Variants in LRRC28 observed in about 807,000 individuals in gnomAD.
LRRC28 encodes the protein leucine rich repeat containing 28, also known as leucine-rich repeat-containing protein 28.
A neutral mutation model predicts 45.7 loss-of-function variants in LRRC28; 39 were observed. The ratio of observed to expected loss-of-function variants is 0.85; its 90% CI spans 0.66 to 1.12. The LOEUF is 1.12. Among genes scored for constraint, LRRC28 ranks in the 50% most tolerant of loss-of-function variants. The probability of loss-of-function intolerance (pLI) is 0.00; values close to 1 mark genes in which losing one functional copy is unlikely to be tolerated. For missense variants in LRRC28, 435 were observed against 438.5 expected (o/e 0.99, Z 0.07); for synonymous variants, 206 against 178.8 (o/e 1.15, Z -1.22).
At chr15:99,291,717 G>A (rs7181739) in intron 5 of LRRC28, among the ~76,000 whole-genome samples, 54,169 of 151,978 alleles carry the variant, frequency 0.36, 10,727 homozygotes, top group African/African-American at 0.54. Flanking sequence ...ATATAGTTTT[G>A]TAATTTTATA....
At chr15:99,369,797 T>C (rs930227809) in intron 9 of LRRC28, among the ~76,000 whole-genome samples, 2 of 152,204 alleles carry the variant, frequency 1.3e-5, no homozygotes, top group Admixed American at 1.3e-4. Flanking sequence ...ATCACCAGGG[T>C]ATTTTGAGAC....
At position 99,259,922 on chromosome 15, in the gene LRRC28, G is replaced by T; in HGVS notation, c.168+3797G>T. 7.2e-6 allele frequency: 5 copies of T among 699,256 alleles called. No individual in the cohort carries two copies. The East Asian group carries it at 1.3e-4, about 18-fold the overall frequency. 43.3% of individuals were successfully genotyped at this position (699,256 alleles called of 1,614,324 possible). ...CGAAGAACCTGAGGAGACAGCAGAA[G>T]ACAAAGAGCAAGACAAAGACAAAGA... On this transcript the variant is annotated intron_variant, in intron 2 of 9. Coordinates refer to ENST00000301981, the MANE Select transcript of LRRC28 (RefSeq NM_144598.5).
chr15:99,307,539 C>T (rs999813943), intron 5 of LRRC28, among the ~76,000 whole-genome samples: 2 of 152,168 alleles, frequency 1.3e-5, no homozygotes, highest in Non-Finnish European at 2.9e-5. Flanking sequence ...ATTCTAATCC[C>T]GTTCATTCAT....
At chr15:99,289,655 C>T (rs538418893) in intron 5 of LRRC28, among the ~76,000 whole-genome samples, 117 of 151,632 alleles carry the variant, frequency 7.7e-4, no homozygotes, top group African/African-American at 2.6e-3. Flanking sequence ...GGCACCAGGC[C>T]GGGCGCGGTG....
intron 2 of LRRC28, among the ~76,000 whole-genome samples, chr15:99,266,651 C>A (rs1456357752): frequency 6.6e-6 from 1 of 152,156 alleles, no homozygotes; most frequent in Non-Finnish European, 1.5e-5. Flanking sequence ...TTGCAAGAAT[C>A]TACCCAATAG....
At chr15:99,255,244 G>T (rs2080981515) in intron 1 of LRRC28, among the ~76,000 whole-genome samples, 1 of 151,974 alleles carries the variant, frequency 6.6e-6, no homozygotes, top group Admixed American at 6.6e-5. Flanking sequence ...TATAGTACCA[G>T]CTACTTGGGA....
chr15:99,260,494 C>T (rs572607063), intron 2 of LRRC28, among the ~76,000 whole-genome samples: 46 of 152,130 alleles, frequency 3.0e-4, no homozygotes, highest in South Asian at 2.3e-3. Flanking sequence ...CTCTTAGCTG[C>T]GATATTTGAT....
intron 2 of LRRC28, among the ~76,000 whole-genome samples, chr15:99,266,853 T>C (rs1159128827): frequency 6.6e-6 from 1 of 152,218 alleles, no homozygotes; most frequent in African/African-American, 2.4e-5. Context: ...TCCTGTGATG[T>C]AGGCACTATT....
chr15:99,260,390 T>C (rs1326886552), intron 2 of LRRC28, among the ~76,000 whole-genome samples: 2 of 152,262 alleles, frequency 1.3e-5, no homozygotes, highest in Non-Finnish European at 2.9e-5. Flanking sequence ...TAATAGCTTA[T>C]GGTAATACAT....
In LRRC28 at chr15:99,282,524, A is replaced by G. The variant is rs188623135; in HGVS notation, c.210-4733A>G. The stretch of plus-strand genomic sequence containing the variant: ...GATTATAATACTGTGTTTTTACTGT[A>G]CCTTTTCTATGTTTACATATGTTTA... On this transcript the variant is annotated intron_variant, in intron 3 of 9. Coordinates refer to ENST00000301981, the MANE Select transcript of LRRC28 (RefSeq NM_144598.5). Among the ~76,000 whole-genome samples the G allele has an allele frequency of 1.2e-3, 180 of 152,222 alleles. 2 individuals carry two copies. The highest frequency in any genetic ancestry group is 4.1e-3 in the African/African-American group (169 of 41,512).
intron 5 of LRRC28, among the ~76,000 whole-genome samples, chr15:99,317,929 A>G (rs1428844363): frequency 1.3e-5 from 2 of 152,164 alleles, no homozygotes. Context: ...GATGCAGTGC[A>G]CAACAAAAGA....
intron 6 of LRRC28, among the ~76,000 whole-genome samples, chr15:99,341,400 T>C (rs1956508937): frequency 6.6e-6 from 1 of 152,170 alleles, no homozygotes; most frequent in Admixed American, 6.5e-5. Flanking sequence ...CCTGTTCTGC[T>C]GTCTTCTGAC....
chr15:99,284,797 CA>C (rs1456056684), intron 3 of LRRC28: 1 of 538,478 alleles, frequency 1.9e-6, no homozygotes, highest in Non-Finnish European at 3.7e-6. Context: ...TTGTCAAAAT[CA>C]TTGTAGCTTC....
intron 9 of LRRC28, among the ~76,000 whole-genome samples, chr15:99,377,316 A>T (rs1200705210): frequency 6.6e-6 from 1 of 151,788 alleles, no homozygotes; most frequent in African/African-American, 2.4e-5. Flanking sequence ...GCATTTTTTC[A>T]TGTGTTTTTT....
chr15:99,269,529 G>A (rs1434936425), intron 2 of LRRC28, among the ~76,000 whole-genome samples: 2 of 151,790 alleles, frequency 1.3e-5, no homozygotes, highest in Non-Finnish European at 2.9e-5. Context: ...TCATCCTCCC[G>A]AGTAGCTGGG....
At chr15:99,379,956 TC>T (rs754273893) in intron 9 of LRRC28, among the ~76,000 whole-genome samples, 1 of 152,244 alleles carries the variant, frequency 6.6e-6, no homozygotes, top group Non-Finnish European at 1.5e-5. Context: ...ATGCTTTACT[TC>T]CAACTATGTG....
chr15:99,276,685 G>T, intron 3 of LRRC28, 69 bp downstream of exon 3: 1 of 1,225,420 alleles, frequency 8.2e-7, no homozygotes, highest in Non-Finnish European at 1.1e-6. Flanking sequence ...GAAATAATAG[G>T]ATATGTCATC....
At chr15:99,282,178 T>G (rs972067752) in intron 3 of LRRC28, among the ~76,000 whole-genome samples, 1 of 37,326 alleles carries the variant, frequency 2.7e-5, no homozygotes, top group Non-Finnish European at 6.2e-5. Context: ...TTTTTGGAGG[T>G]TTTTTTTTTT....
intron 5 of LRRC28, among the ~76,000 whole-genome samples, chr15:99,330,133 T>C (rs1956114320): frequency 6.6e-6 from 1 of 152,176 alleles, no homozygotes; most frequent in Admixed American, 6.6e-5. Flanking sequence ...GATATTGATC[T>C]TTCAGGATTG....
Sources: allele counts gnomAD v4.1 joint callset (sites outside exome capture counted in the v4.1 genomes callset), GRCh38; gene constraint gnomAD v4.1.1; transcripts MANE v1.5; gene names NCBI Gene and HGNC (gene_info 2026-07-23, HGNC 2026-07-21).